Variants in DHTKD1 observed in about 807,000 individuals in gnomAD.
The protein encoded by DHTKD1 is dehydrogenase E1 and transketolase domain containing 1, also known as 2-oxoadipate dehydrogenase complex component E1.
In DHTKD1, 78 loss-of-function variants were observed where a neutral mutation model predicts 101.8. The observed-to-expected ratio is 0.77, with a 90% CI of 0.64 to 0.93. The LOEUF is 0.93. Ranked by LOEUF, DHTKD1 falls within the 40% of genes least tolerant of loss-of-function variation. The pLI is 0.00. For missense variants in DHTKD1, 1,223 were observed against 1,161.7 expected (o/e 1.05, Z -0.77); for synonymous variants, 462 against 450.3 (o/e 1.03, Z -0.33).
intron 3 of DHTKD1, among the ~76,000 whole-genome samples, chr10:12,085,193 C>A (rs901174601): frequency 1.3e-5 from 2 of 152,052 alleles, no homozygotes; most frequent in African/African-American, 4.8e-5. Flanking sequence ...ACCTATAATC[C>A]CAGCTAATCA....
At chr10:12,089,676 T>A (rs1832957809) in intron 5 of DHTKD1, among the ~76,000 whole-genome samples, 1 of 152,122 alleles carries the variant, frequency 6.6e-6, no homozygotes, top group Non-Finnish European at 1.5e-5. Flanking sequence ...TTCTTTTTTA[T>A]GGCTTTTTTT....
chr10:12,093,013 G>A (rs1244134128), intron 6 of DHTKD1, among the ~76,000 whole-genome samples: 1 of 150,228 alleles, frequency 6.7e-6, no homozygotes, highest in East Asian at 2.0e-4. Context: ...TAGTAGCTGC[G>A]ATTTACAGAC....
chr10:12,077,483 C>T (rs1200457279), intron 1 of DHTKD1, among the ~76,000 whole-genome samples: 3 of 151,982 alleles, frequency 2.0e-5, no homozygotes, highest in African/African-American at 2.4e-5. Context: ...CACCTTGGCC[C>T]GCCTTGGCCT....
chr10:12,113,116 C>A lies in DHTKD1; in HGVS notation c.2319+52C>A, dbSNP rs369054660. On this transcript the variant is annotated intron_variant, in intron 13 of 16. Transcript: ENST00000263035. ...TCCTCCTTTTGTCATTTTTTGCACT[C>A]CATTTTTCCCTATTTTCCATATCTA... 1.1e-5 allele frequency: 16 copies of A among 1,442,872 alleles called. No homozygotes were observed. The African/African-American group carries it at 1.9e-4, about 17-fold the overall frequency. 89.4% of individuals were successfully genotyped at this position (1,442,872 alleles called of 1,614,324 possible).
intron 11 of DHTKD1, 48 bp downstream of exon 11, chr10:12,106,444 C>T: frequency 6.2e-7 from 1 of 1,604,744 alleles, no homozygotes; most frequent in East Asian, 2.2e-5. Context: ...CCCTGCGTGG[C>T]CCCAGCCTCG....
chr10:12,113,397 C>T (rs1833367123), intron 13 of DHTKD1, among the ~76,000 whole-genome samples: 1 of 152,170 alleles, frequency 6.6e-6, no homozygotes. Flanking sequence ...GGGGTTTCGC[C>T]ATCTTGGCCA....
chr10:12,105,496 T>G (rs1833230016), intron 10 of DHTKD1, among the ~76,000 whole-genome samples: 1 of 151,954 alleles, frequency 6.6e-6, no homozygotes, highest in African/African-American at 2.4e-5. Context: ...TTGTCTGCTT[T>G]TTTTAGAGAT....
intron 1 of DHTKD1, among the ~76,000 whole-genome samples, chr10:12,079,112 G>T (rs1164880060): frequency 2.6e-5 from 4 of 151,990 alleles, no homozygotes; most frequent in Non-Finnish European, 5.9e-5. Flanking sequence ...TTTTAGATAT[G>T]GGATCTTGCT....
intron 7 of DHTKD1, among the ~76,000 whole-genome samples, chr10:12,097,125 C>G (rs1052834418): frequency 4.0e-5 from 6 of 151,846 alleles, no homozygotes; most frequent in African/African-American, 1.5e-4. Context: ...TTGAGATGAA[C>G]GTGACATAAT....
At chr10:12,070,728 A>G (rs1162090941) in intron 1 of DHTKD1, among the ~76,000 whole-genome samples, 1 of 152,156 alleles carries the variant, frequency 6.6e-6, no homozygotes, top group Non-Finnish European at 1.5e-5. Context: ...ACCTGAAGTG[A>G]TCCACTGGCC....
In DHTKD1 at chr10:12,101,144, T is replaced by C. The variant is rs750058676; in HGVS notation, c.1859T>C (p.Leu620Pro). The C allele has an allele frequency of 1.9e-6, 3 of 1,614,156 alleles. No individual in the cohort carries two copies. The highest frequency in any genetic ancestry group is 4.5e-5 in the East Asian group (2 of 44,884). ...CQETDDTYIPLNHMDPNQKGF... is the reference protein window; with the variant it reads ...CQETDDTYIPPNHMDPNQKGF... ...GAGACGGATGACACCTACATCCCCC[T>C]GAACCATATGGACCCAAATCAGAAG... The change falls in exon 10 of 17, where the codon CTG (leucine) becomes CCG (proline). Residue 620 changes from leucine to proline, a missense_variant. Physicochemically the swap from Leu to Pro is moderately conservative, Grantham distance 98. Coordinates refer to ENST00000263035, the MANE Select transcript of DHTKD1 (RefSeq NM_018706.7).
In DHTKD1 at chr10:12,084,521, C is replaced by T. The variant is rs768436592; in HGVS notation, c.311-19C>T. On this transcript the variant is annotated intron_variant, in intron 2 of 16. Transcript: ENST00000263035. ...ACATGATTATTTTTTAAGATGACCC[C>T]TTTGATTGTATTTCACAGGATTATT... 1.3e-6 allele frequency: 2 copies of T among 1,491,850 alleles called. No individual in the cohort carries two copies. Among genetic ancestry groups the T allele is most frequent in the Non-Finnish European group, 1.9e-6 (2 of 1,069,204 alleles). The allele number at this position is 1,491,850 out of a possible 1,614,324, so 92.4% of individuals were successfully genotyped here.
chr10:12,111,739 G>C (rs1038726841), intron 12 of DHTKD1, among the ~76,000 whole-genome samples: 1 of 152,142 alleles, frequency 6.6e-6, no homozygotes, highest in Admixed American at 6.6e-5. Context: ...TTAGCTGAGA[G>C]TGGTGATGCA....
chr10:12,106,474 A>AG (rs1833249384), intron 11 of DHTKD1, 78 bp downstream of exon 11: 2 of 1,563,332 alleles, frequency 1.3e-6, no homozygotes, highest in South Asian at 2.2e-5. Context: ...ATGAATGAAA[A>AG]GGGGCCACTG....
rs1832920556 is a variant in DHTKD1, at chr10:12,087,511, C to G, written c.523-24C>G. ...AGAAGCTGGCTGTCTCCTGGCAGCTCACGTCTGACATGATGTTCTGCAGGA... is the reference window on the plus strand; with the variant it reads ...AGAAGCTGGCTGTCTCCTGGCAGCTGACGTCTGACATGATGTTCTGCAGGA... On this transcript the variant is annotated intron_variant, in intron 3 of 16. Transcript: ENST00000263035. The surrounding 1 kb of genome is among the most constrained non-coding windows in gnomAD (Gnocchi z 5.2). 1 of 1,553,028 alleles carries G rather than the reference C, an allele frequency of 6.4e-7. No homozygotes were observed. The highest frequency in any genetic ancestry group is 1.4e-5 in the African/African-American group (1 of 73,490).
intron 15 of DHTKD1, 70 bp from the exon 16 acceptor site, chr10:12,120,112 G>A (rs1833500629): frequency 8.6e-7 from 1 of 1,163,942 alleles, no homozygotes; most frequent in Admixed American, 1.8e-5. Context: ...ATCGTAGGTG[G>A]GATCATAGTA....
At position 12,117,748 on chromosome 10, in the gene DHTKD1, CCA is replaced by C. The variant is rs757583515; in HGVS notation, c.2396_2397del (p.Pro799GlnfsTer4). On this transcript the variant is annotated frameshift_variant, in exon 14 of 17. Coordinates refer to ENST00000263035, the MANE Select transcript of DHTKD1 (RefSeq NM_018706.7). LOFTEE classifies it high-confidence loss of function. ...GGTCATTGGTGATTCATCTGTGGAT[CCA>C]AAAAAGTAAGATATGTATCTCTGTT... ...NPVIGDSSVD[P>X]KKVKTLVFCS... The C allele has an allele frequency of 7.0e-6, 11 of 1,580,076 alleles. No homozygotes were observed. The highest frequency in any genetic ancestry group is 1.7e-4 in the Middle Eastern group (1 of 5,986).
chr10:12,081,260 C>A (rs1002070789), intron 1 of DHTKD1, among the ~76,000 whole-genome samples: 2 of 108,036 alleles, frequency 1.9e-5, no homozygotes, highest in Non-Finnish European at 3.4e-5. Flanking sequence ...GGCGACAGAG[C>A]AAGACTCCAT....
chr10:12,110,461 GACACCC>G lies in DHTKD1; in HGVS notation c.2155-2438_2155-2433del, dbSNP rs1207691202. On this transcript the variant is annotated intron_variant, in intron 12 of 16. Coordinates refer to ENST00000263035, the MANE Select transcript of DHTKD1 (RefSeq NM_018706.7). This position sits in a 1 kb window ranked among gnomAD's most constrained non-coding sequence, Gnocchi z 4.9. The stretch of plus-strand genomic sequence containing the variant: ...GTGGCTCAGGTAAGCCAAAAGATCG[GACACCC>G]CTGATTCCTGATTCTAGAGAAAGGA... Among the ~76,000 whole-genome samples the G allele has an allele frequency of 6.6e-6, 1 of 152,046 alleles. No homozygotes were observed. Among genetic ancestry groups the G allele is most frequent in the Non-Finnish European group, 1.5e-5 (1 of 68,020 alleles).
Sources: gnomAD v4.1 joint callset for allele counts (sites outside exome capture counted in the v4.1 genomes callset) on GRCh38, gnomAD v4.1.1 for gene constraint, Gnocchi (gnomAD v3.1) non-coding constraint, MANE v1.5 for transcripts, NCBI Gene and HGNC (gene_info 2026-07-23, HGNC 2026-07-21) for gene names.